Variants in TBCD observed in about 807,000 individuals in gnomAD.
The protein encoded by TBCD is tubulin-specific chaperone D.
A neutral mutation model predicts 169.3 loss-of-function variants in TBCD; 105 were observed. That is an observed-to-expected ratio of 0.62 (90% CI 0.53 to 0.73). The LOEUF is 0.73. Ranked by LOEUF, TBCD falls within the 30% of genes least tolerant of loss-of-function variation. TBCD has a pLI of 0.00. For synonymous variants in TBCD, 700 were observed against 643.9 expected (o/e 1.09, Z -1.32); for missense variants, 1,444 against 1,600.1 (o/e 0.90, Z 1.66).
chr17:82,781,595 C>T lies in TBCD; in HGVS notation c.645C>T (p.Ile215=). 6.2e-7 allele frequency: 1 copy of T among 1,613,626 alleles called. No homozygotes were observed. The highest frequency in any genetic ancestry group is 8.5e-7 in the Non-Finnish European group (1 of 1,179,826). ...DAAAVLVSRF[I]TRPDVKQSKM... ...AGCTGTATCCTTTTGGCAGATTTAT[C>T]ACACGTCCTGATGTCAAGCAAAGCA... Residue 215 remains isoleucine, a synonymous_variant, in exon 7 of 39, where the codon ATC becomes ATT. Transcript: ENST00000355528.
Position 82,915,228 on chromosome 17 carries a change from G to A in TBCD, c.2038+3439G>A, listed in dbSNP as rs1295902374. Reference sequence around the variant, plus strand: ...CCGGCATGTCGGTGACATGCCGCCCGCAGGAGCATCAGGTGCGCCCTGGCC... The same window carrying A: ...CCGGCATGTCGGTGACATGCCGCCCACAGGAGCATCAGGTGCGCCCTGGCC... On this transcript the variant is annotated intron_variant, in intron 23 of 38. Coordinates refer to ENST00000355528, the MANE Select transcript of TBCD (RefSeq NM_005993.5). The surrounding 1 kb of genome is among the most constrained non-coding windows in gnomAD (Gnocchi z 4.3). Among the ~76,000 whole-genome samples, 2 of 152,132 alleles carry A rather than the reference G, an allele frequency of 1.3e-5. No individual in the cohort carries two copies. The highest frequency in any genetic ancestry group is 2.4e-5 in the African/African-American group (1 of 41,416).
Position 82,922,417 on chromosome 17 carries a change from G to GT in TBCD, c.2178+844dup, listed in dbSNP as rs1317074931. On this transcript the variant is annotated intron_variant, in intron 25 of 38. Coordinates refer to ENST00000355528, the MANE Select transcript of TBCD (RefSeq NM_005993.5). This position sits in a 1 kb window ranked among gnomAD's most constrained non-coding sequence, Gnocchi z 4.1. ...AACCATGGTTACCAACGTTGACTAGGTTTTGATATTGAGGATGAAGAATGG... is the reference window on the plus strand; with the variant it reads ...AACCATGGTTACCAACGTTGACTAGGTTTTTGATATTGAGGATGAAGAATGG... Among the ~76,000 whole-genome samples the GT allele has an allele frequency of 1.3e-5, 2 of 152,058 alleles. No homozygotes were observed. Among genetic ancestry groups the GT allele is most frequent in the African/African-American group, 4.8e-5 (2 of 41,414 alleles).
At chr17:82,818,304 G>T (rs796340462) in intron 13 of TBCD, among the ~76,000 whole-genome samples, 1 of 152,234 alleles carries the variant, frequency 6.6e-6, no homozygotes, top group East Asian at 1.9e-4. Context: ...AAGCTGTGCT[G>T]TCTCTGCACA....
chr17:82,762,525 G>T (rs1450342551), intron 2 of TBCD, among the ~76,000 whole-genome samples: 1 of 152,054 alleles, frequency 6.6e-6, no homozygotes, highest in Non-Finnish European at 1.5e-5. Flanking sequence ...GAGGCAGGTG[G>T]ATTGCCTGAG....
chr17:82,921,662 C>A, intron 25 of TBCD, 85 bp downstream of exon 25: 2 of 1,246,220 alleles, frequency 1.6e-6, no homozygotes, highest in Non-Finnish European at 2.4e-6. Flanking sequence ...GGCGACTGTG[C>A]ATCATGAGGC....
intron 13 of TBCD, chr17:82,830,108 C>T (rs1474080551): frequency 6.2e-7 from 1 of 1,612,180 alleles, no homozygotes; most frequent in Non-Finnish European, 8.5e-7. Context: ...GTGTGTGTGG[C>T]CGTAGCTCTG....
At chr17:82,798,701 G>A (rs1446316630) in intron 8 of TBCD, among the ~76,000 whole-genome samples, 1 of 152,160 alleles carries the variant, frequency 6.6e-6, no homozygotes, top group Non-Finnish European at 1.5e-5. Context: ...GAGCAGCCAT[G>A]TTCCTCTGAT....
chr17:82,862,641 C>A (rs190717576), intron 13 of TBCD, among the ~76,000 whole-genome samples: 1 of 152,272 alleles, frequency 6.6e-6, no homozygotes, highest in Non-Finnish European at 1.5e-5. Flanking sequence ...ATTTTTCGAT[C>A]TGAGGGTTAT....
chr17:82,907,673 TG>T, intron 20 of TBCD, 87 bp from the exon 21 acceptor site: 1 of 1,449,604 alleles, frequency 6.9e-7, no homozygotes, highest in South Asian at 1.2e-5. Flanking sequence ...GTTAGGGTCT[TG>T]GGGAGTGTGG....
Position 82,752,081 on chromosome 17 carries a change from G to C in TBCD, c.-113G>C. 8.1e-7 allele frequency: 1 copy of C among 1,232,560 alleles called. No homozygotes were observed. Among genetic ancestry groups the C allele is most frequent in the Non-Finnish European group, 1.1e-6 (1 of 944,688 alleles). 76.4% of individuals were successfully genotyped at this position (1,232,560 alleles called of 1,614,324 possible). The stretch of plus-strand genomic sequence containing the variant: ...CGGGGCGGGGCCAGCGTCGGTTGCC[G>C]CCTTAGCGGGCGCCTCCTTTTCATC... On this transcript the variant is annotated 5_prime_UTR_variant, in exon 1 of 39. Transcript: ENST00000355528.
chr17:82,938,043 C>T lies in TBCD; in HGVS notation c.3282-6C>T, dbSNP rs751369201. 29 of 1,612,840 alleles carry T rather than the reference C, an allele frequency of 1.8e-5. 1 individual carries two copies. The East Asian group carries it at 2.7e-4, about 15-fold the overall frequency. ...CTCACCTGGAGCCATGTGCTGCTCC[C>T]GGCAGGTTCTGCGAGATGGTGCAGT... On this transcript the variant is annotated splice_polypyrimidine_tract_variant and splice_region_variant and intron_variant, in intron 35 of 38. Transcript: ENST00000355528.
At chr17:82,897,012 C>T (rs2059535516) in intron 17 of TBCD, among the ~76,000 whole-genome samples, 1 of 152,120 alleles carries the variant, frequency 6.6e-6, no homozygotes, top group African/African-American at 2.4e-5. Flanking sequence ...GATGCAGTTT[C>T]AGTCATCATC....
chr17:82,858,916 G>A (rs529066935), intron 13 of TBCD, among the ~76,000 whole-genome samples: 6 of 152,200 alleles, frequency 3.9e-5, no homozygotes, highest in Admixed American at 2.0e-4. Context: ...CGCTTCCTGC[G>A]GGGGGATGAG....
intron 13 of TBCD, chr17:82,859,587 G>T: frequency 2.0e-6 from 2 of 985,454 alleles, no homozygotes; most frequent in South Asian, 9.4e-5. Flanking sequence ...TGTGGTTTCC[G>T]GCACTGCAGA....
At chr17:82,940,739 C>T (rs943508300) in intron 37 of TBCD, among the ~76,000 whole-genome samples, 1 of 151,202 alleles carries the variant, frequency 6.6e-6, no homozygotes, top group Admixed American at 6.6e-5. Flanking sequence ...TCTGGAGACC[C>T]GTTTTTACAA....
At chr17:82,756,679 T>C (rs943307837) in intron 2 of TBCD, among the ~76,000 whole-genome samples, 1 of 152,010 alleles carries the variant, frequency 6.6e-6, no homozygotes, top group Non-Finnish European at 1.5e-5. Context: ...GGGGTTTCAC[T>C]ATGTTGGCCA....
intron 9 of TBCD, among the ~76,000 whole-genome samples, chr17:82,802,627 C>T (rs1038544317): frequency 1.3e-5 from 2 of 152,196 alleles, no homozygotes; most frequent in African/African-American, 2.4e-5. Flanking sequence ...GAAGACAGAA[C>T]AAGTCCAGTT....
At chr17:82,850,767 G>C (rs1056438181) in intron 13 of TBCD, among the ~76,000 whole-genome samples, 2 of 152,240 alleles carry the variant, frequency 1.3e-5, no homozygotes, top group Non-Finnish European at 1.5e-5. Flanking sequence ...CATTGAATTC[G>C]TATGGGGCTT....
chr17:82,830,867 C>T, intron 13 of TBCD: 1 of 1,612,710 alleles, frequency 6.2e-7, no homozygotes, highest in Non-Finnish European at 8.5e-7. Flanking sequence ...TCTCCGTTCA[C>T]AACATTGAGG....
Sources: gnomAD v4.1 joint callset for allele counts (sites outside exome capture counted in the v4.1 genomes callset) on GRCh38, gnomAD v4.1.1 for gene constraint, Gnocchi (gnomAD v3.1) non-coding constraint, MANE v1.5 for transcripts, NCBI Gene and HGNC (gene_info 2026-07-23, HGNC 2026-07-21) for gene names.